CENPM: variants seen among roughly 807,000 people sequenced by gnomAD.
The protein encoded by CENPM is interphase centromere complex protein 39.
CENPM carries 14 observed loss-of-function variants against 19.6 expected under a neutral mutation model. The observed-to-expected ratio is 0.71, with a 90% CI of 0.47 to 1.11. The LOEUF is 1.11. CENPM is among the 50% of genes most tolerant of loss of function. The pLI is 0.00. For missense variants in CENPM, 239 were observed against 228.4 expected, an observed-to-expected ratio of 1.05 and a Z score of -0.30; for synonymous variants, 114 against 101.5, an observed-to-expected ratio of 1.12 and a Z score of -0.74.
chr22:41,946,750 C>A (rs897776275), intron 1 of CENPM: 8 of 598,694 alleles, frequency 1.3e-5, no homozygotes, highest in Non-Finnish European at 2.4e-5. Context: ...GGAGGCCAGA[C>A]CCCCAGACGC....
At chr22:41,946,834 G>C (rs1347321026) in intron 1 of CENPM, 186 bp downstream of exon 1, 1 of 625,252 alleles carries the variant, frequency 1.6e-6, no homozygotes, top group Non-Finnish European at 2.9e-6. Context: ...CCTATTGGTG[G>C]GTGCGTCCCT....
intron 5 of CENPM, among the ~76,000 whole-genome samples, chr22:41,943,280 A>G (rs944838638): frequency 1.3e-5 from 2 of 152,132 alleles, no homozygotes; most frequent in African/African-American, 4.8e-5. Context: ...TACACATAAG[A>G]CTTAGTTATA....
At chr22:41,930,621 CG>C in the CENPM span, among the ~76,000 whole-genome samples, 1 of 152,068 alleles carries the variant, frequency 6.6e-6, no homozygotes, top group Non-Finnish European at 1.5e-5. Flanking sequence ...CAGGTTCAAG[CG>C]ATTCTCCTGC....
intron 5 of CENPM, chr22:41,940,061 G>A (rs1569426024): frequency 4.2e-6 from 3 of 707,446 alleles, no homozygotes; most frequent in African/African-American, 3.5e-5. Context: ...CACTGATCCA[G>A]CCCCACCATT....
At chr22:41,933,829 CT>C (rs901000629), downstream of CENPM, among the ~76,000 whole-genome samples, 7 of 152,198 alleles carry the variant, frequency 4.6e-5, no homozygotes, top group Non-Finnish European at 1.0e-4. Context: ...CCCAGCACCC[CT>C]GATGCGTGTG....
the CENPM span, among the ~76,000 whole-genome samples, chr22:41,927,283 C>T: frequency 1.3e-5 from 2 of 152,148 alleles, no homozygotes; most frequent in African/African-American, 4.8e-5. Flanking sequence ...CTGGGTGGGC[C>T]CTCTGCTGGG....
In CENPM at chr22:41,943,667, G is replaced by A; in HGVS notation, c.345C>T (p.His115=). ...AGGTGTGGGCCAGCTTCACCACGGT[G>A]TGCCGGTGAATGCTGCAGTGGCTCT... ...GRESHCSIHR[H]TVVKLAHTYQ... Residue 115 remains histidine (H), a synonymous_variant, in exon 5 of 6, where the codon CAC becomes CAT. Transcript: ENST00000215980. 3 of 1,613,822 alleles carry A rather than the reference G, an allele frequency of 1.9e-6. No homozygotes were observed. The highest frequency in any genetic ancestry group is 8.5e-7 in the Non-Finnish European group (1 of 1,179,922).
intron 4 of CENPM, chr22:41,944,868 C>G (rs1003388110): frequency 1.8e-6 from 2 of 1,090,542 alleles, no homozygotes; most frequent in Non-Finnish European, 2.2e-6. Flanking sequence ...CTCATATTCA[C>G]TCTTAGAAAG....
downstream of CENPM, among the ~76,000 whole-genome samples, chr22:41,935,673 C>G (rs1391131289): frequency 3.3e-5 from 5 of 152,196 alleles, no homozygotes; most frequent in Non-Finnish European, 2.9e-5. Flanking sequence ...AGGCCCAGAG[C>G]CTGCACCACT....
chr22:41,928,262 C>T, the CENPM span: 2 of 245,198 alleles, frequency 8.2e-6, no homozygotes, highest in South Asian at 4.5e-5. The surrounding 1 kb of genome is among the most constrained non-coding windows in gnomAD (Gnocchi z 4.0). Context: ...TCCTGCTCAC[C>T]TCTGTGTCTC....
intron 5 of CENPM, among the ~76,000 whole-genome samples, chr22:41,942,536 G>T (rs955824717): frequency 6.6e-6 from 1 of 152,114 alleles, no homozygotes; most frequent in Admixed American, 6.6e-5. Flanking sequence ...GGATCACGAG[G>T]TCAGGAGATT....
At chr22:41,936,382 G>A (rs1005501589), downstream of CENPM, among the ~76,000 whole-genome samples, 6 of 152,210 alleles carry the variant, frequency 3.9e-5, no homozygotes, top group Non-Finnish European at 8.8e-5. Context: ...TGCAAATGTC[G>A]GGTGACATGT....
At chr22:41,940,668 C>T (rs534988673) in intron 5 of CENPM, among the ~76,000 whole-genome samples, 4 of 152,266 alleles carry the variant, frequency 2.6e-5, no homozygotes, top group South Asian at 2.1e-4. Context: ...TGTGAGCTAC[C>T]GTGCCCAGCA....
intron 1 of CENPM, 43 bp from the exon 2 acceptor site, chr22:41,946,539 C>A (rs1464503190): frequency 6.4e-7 from 1 of 1,564,962 alleles, no homozygotes; most frequent in South Asian, 1.1e-5. Context: ...CTAGGCACAG[C>A]ACCCCCTGGG....
intron 1 of CENPM, chr22:41,946,741 G>T (rs1006517973): frequency 2.2e-5 from 13 of 598,200 alleles, no homozygotes; most frequent in East Asian, 1.7e-4. Flanking sequence ...GCCTCTCCAG[G>T]AGGCCAGACC....
At chr22:41,945,147 G>A (rs1373132013) in intron 4 of CENPM, 78 bp downstream of exon 4, 1 of 1,605,232 alleles carries the variant, frequency 6.2e-7, no homozygotes, top group Non-Finnish European at 8.5e-7. Context: ...CACCCAGGGT[G>A]CCTCAGCAAG....
At chr22:41,939,426 ACCT>A (rs2077705453) in intron 5 of CENPM, among the ~76,000 whole-genome samples, 1 of 152,088 alleles carries the variant, frequency 6.6e-6, no homozygotes, top group Non-Finnish European at 1.5e-5. Flanking sequence ...CCAGAGCCTG[ACCT>A]CCTGCTCAAG....
intron 5 of CENPM, among the ~76,000 whole-genome samples, chr22:41,941,653 C>T (rs113605045): frequency 7.0e-4 from 106 of 152,386 alleles, no homozygotes; most frequent in African/African-American, 2.3e-3. Context: ...CCCTCACTCA[C>T]GAGCTGTCTG....
intron 5 of CENPM, among the ~76,000 whole-genome samples, chr22:41,939,776 A>AAAAAAGAAAAAAAAGGAAAG (rs2077710576): frequency 2.2e-4 from 4 of 17,954 alleles, no homozygotes; most frequent in East Asian, 2.1e-3. Context: ...TGTCTGTCTC[A>AAAAAAGAAAAAAAAGGAAAG]AAAAAGAAAG....
Sources: allele counts gnomAD v4.1 joint callset (sites outside exome capture counted in the v4.1 genomes callset), GRCh38; gene constraint gnomAD v4.1.1; non-coding constraint Gnocchi (gnomAD v3.1); transcripts MANE v1.5; gene names NCBI Gene and HGNC (gene_info 2026-07-23, HGNC 2026-07-21).